Variants in RBFOX1 observed in about 807,000 individuals in gnomAD.
The protein encoded by RBFOX1 is RNA binding fox-1 homolog 1.
In RBFOX1, 8 loss-of-function variants were observed where a neutral mutation model predicts 57.7. The observed-to-expected ratio is 0.14, with a 90% confidence interval of 0.08 to 0.25. RBFOX1 has a LOEUF of 0.25. Among genes scored for constraint, RBFOX1 ranks in the 10% least tolerant of loss-of-function variants. The pLI is 1.00. For missense variants in RBFOX1, 611 were observed against 548.5 expected, an observed-to-expected ratio of 1.11 and a Z score of -1.14; for synonymous variants, 326 against 222.4, an observed-to-expected ratio of 1.47 and a Z score of -4.15.
chr16:7,265,358 G>C (rs74795665), intron 4 of RBFOX1, among the ~76,000 whole-genome samples: 4,604 of 152,178 alleles, frequency 0.03, 219 homozygotes, highest in East Asian at 0.21. Flanking sequence ...AGAGGGAGAG[G>C]AAAGAAGTGG....
chr16:6,028,557 G>A (rs944992033), intron 1 of RBFOX1, among the ~76,000 whole-genome samples: 1 of 148,786 alleles, frequency 6.7e-6, no homozygotes, highest in African/African-American at 2.5e-5. Context: ...GGTAGCTCAT[G>A]CCTGTAGTCC....
chr16:7,057,004 G>C (rs2052528114), intron 4 of RBFOX1, among the ~76,000 whole-genome samples: 1 of 148,648 alleles, frequency 6.7e-6, no homozygotes, highest in African/African-American at 2.5e-5. Context: ...TTGGTGACTG[G>C]ATAAAACAAC....
At chr16:6,846,475 G>C (rs1287800998) in intron 3 of RBFOX1, among the ~76,000 whole-genome samples, 1 of 152,160 alleles carries the variant, frequency 6.6e-6, no homozygotes, top group African/African-American at 2.4e-5. Context: ...GTCATAATGA[G>C]GGAGAGAAAA....
chr16:7,361,516 A>G, intron 4 of RBFOX1, among the ~76,000 whole-genome samples: 1 of 152,200 alleles, frequency 6.6e-6, no homozygotes, highest in East Asian at 1.9e-4. Flanking sequence ...GAGTAAATCC[A>G]GGTTAGACCA....
At chr16:7,203,656 A>G (rs2089236428) in intron 4 of RBFOX1, among the ~76,000 whole-genome samples, 1 of 152,212 alleles carries the variant, frequency 6.6e-6, no homozygotes, top group Non-Finnish European at 1.5e-5. Context: ...CAGCTCAGAT[A>G]GGGTCCCTCT....
chr16:6,118,691 T>C (rs371181671), intron 1 of RBFOX1, among the ~76,000 whole-genome samples: 4 of 147,760 alleles, frequency 2.7e-5, no homozygotes, highest in African/African-American at 5.1e-5. Flanking sequence ...TTCCTTCCTT[T>C]CTTCCTTCCT....
intron 4 of RBFOX1, among the ~76,000 whole-genome samples, chr16:7,091,349 C>T (rs1435775797): frequency 6.6e-6 from 1 of 151,652 alleles, no homozygotes; most frequent in Non-Finnish European, 1.5e-5. Flanking sequence ...CACACTTCAT[C>T]CTCACCTTTT....
At chr16:5,428,803 AT>A (rs1408570267) in intron 1 of RBFOX1, among the ~76,000 whole-genome samples, 1 of 152,104 alleles carries the variant, frequency 6.6e-6, no homozygotes, top group Non-Finnish European at 1.5e-5. Flanking sequence ...ATGACATATG[AT>A]TTTTTTGGGG....
At position 6,258,275 on chromosome 16, in the gene RBFOX1, A is replaced by G. The variant is rs138858784; in HGVS notation, c.-126-58720A>G. Among the ~76,000 whole-genome samples the G allele has an allele frequency of 3.7e-3, 557 of 152,300 alleles. 2 individuals are homozygous for G. Among genetic ancestry groups the G allele is most frequent in the Middle Eastern group, 6.8e-3 (2 of 294 alleles). ...TGTACATATTGCATAATCAACCAAA[A>G]TAGCCCCAGAAGTGATTATGCTTGA... On this transcript the variant is annotated intron_variant, in intron 1 of 15. Coordinates refer to ENST00000550418, the MANE Select transcript of RBFOX1 (RefSeq NM_018723.4).
At chr16:6,562,869 T>TTTCG (rs2097199724) in intron 2 of RBFOX1, among the ~76,000 whole-genome samples, 2 of 63,258 alleles carry the variant, frequency 3.2e-5, no homozygotes, top group African/African-American at 9.8e-5. Flanking sequence ...TCTTTCTTTC[T>TTTCG]TTCTTTCTTT....
chr16:5,593,363 G>GATAGC (rs2047073425), intron 2 of RBFOX1, among the ~76,000 whole-genome samples: 1 of 152,188 alleles, frequency 6.6e-6, no homozygotes, highest in South Asian at 2.1e-4. Flanking sequence ...TTAGGGGAGG[G>GATAGC]ATAGCATTAG....
chr16:7,662,027 A>C (rs959323818), intron 12 of RBFOX1, among the ~76,000 whole-genome samples: 1 of 152,142 alleles, frequency 6.6e-6, no homozygotes, highest in Non-Finnish European at 1.5e-5. Flanking sequence ...ACTTGTCTTA[A>C]TGAAAGAAGG....
intron 1 of RBFOX1, among the ~76,000 whole-genome samples, chr16:5,423,040 G>T (rs1302925833): frequency 8.7e-6 from 1 of 114,664 alleles, no homozygotes; most frequent in Non-Finnish European, 1.9e-5. Flanking sequence ...GGAGGGAGGA[G>T]TGGGGAGAGG....
intron 2 of RBFOX1, among the ~76,000 whole-genome samples, chr16:6,478,483 C>T (rs865907584): frequency 6.1e-5 from 8 of 131,158 alleles, no homozygotes; most frequent in African/African-American, 1.5e-4. Context: ...ACCATGTTGG[C>T]GAGGCTGTTC....
intron 2 of RBFOX1, among the ~76,000 whole-genome samples, chr16:6,382,472 A>G (rs2091904394): frequency 6.6e-6 from 1 of 152,242 alleles, no homozygotes; most frequent in South Asian, 2.1e-4. Flanking sequence ...CTCCTAATGC[A>G]TAGTGTGACC....
chr16:5,751,463 C>T (rs2053200423), intron 3 of RBFOX1, among the ~76,000 whole-genome samples: 1 of 152,196 alleles, frequency 6.6e-6, no homozygotes. Flanking sequence ...CCACTGTAGA[C>T]TTCTGCTTAA....
chr16:6,885,708 C>T (rs372179515), intron 3 of RBFOX1, among the ~76,000 whole-genome samples: 5 of 151,772 alleles, frequency 3.3e-5, no homozygotes, highest in African/African-American at 1.2e-4. Context: ...ATTTTTCTAT[C>T]TTTAGTAGAG....
chr16:7,357,253 C>T (rs954164523), intron 4 of RBFOX1, among the ~76,000 whole-genome samples: 2 of 151,036 alleles, frequency 1.3e-5, no homozygotes, highest in African/African-American at 4.9e-5. Context: ...AAAAAAATCT[C>T]TTGGATGGAG....
intron 10 of RBFOX1, among the ~76,000 whole-genome samples, chr16:7,615,401 A>G (rs1478341042): frequency 6.6e-6 from 1 of 152,212 alleles, no homozygotes; most frequent in Non-Finnish European, 1.5e-5. Context: ...GCCACATGCC[A>G]GAGTTCATGT....
Sources: gnomAD v4.1 joint callset for allele counts (sites outside exome capture counted in the v4.1 genomes callset) on GRCh38, gnomAD v4.1.1 for gene constraint, MANE v1.5 for transcripts, NCBI Gene and HGNC (gene_info 2026-07-23, HGNC 2026-07-21) for gene names.